CGNL1: variants seen among roughly 807,000 people sequenced by gnomAD.
The protein encoded by CGNL1 is cingulin-like protein 1.
A neutral mutation model predicts 141.2 loss-of-function variants in CGNL1; 132 were observed. The observed-to-expected ratio is 0.93, with a 90% CI of 0.81 to 1.08. The LOEUF is 1.08. Among genes scored for constraint, CGNL1 ranks in the 50% least tolerant of loss-of-function variants. The pLI is 0.00. For missense variants in CGNL1, 1,870 were observed against 1,588.6 expected (o/e 1.18, Z -3.01); for synonymous variants, 690 against 622.1 (o/e 1.11, Z -1.63).
At chr15:57,416,986 T>G (rs2062855614) in intron 1 of CGNL1, among the ~76,000 whole-genome samples, 1 of 152,138 alleles carries the variant, frequency 6.6e-6, no homozygotes, top group Admixed American at 6.5e-5. Context: ...CCTTGATGAC[T>G]TCTGATTCTG....
intron 8 of CGNL1, among the ~76,000 whole-genome samples, chr15:57,473,379 C>G (rs1157633129): frequency 6.6e-6 from 1 of 152,128 alleles, no homozygotes; most frequent in Non-Finnish European, 1.5e-5. Flanking sequence ...TGGAATATGT[C>G]ATAAACTCTA....
At chr15:57,518,793 C>T (rs766787203) in intron 10 of CGNL1, among the ~76,000 whole-genome samples, 33 of 152,148 alleles carry the variant, frequency 2.2e-4, no homozygotes, top group Non-Finnish European at 4.3e-4. Flanking sequence ...CACAGGACAG[C>T]CCCCACTGCA....
intron 1 of CGNL1, among the ~76,000 whole-genome samples, chr15:57,395,669 C>A (rs1325937317): frequency 6.6e-6 from 1 of 152,238 alleles, no homozygotes; most frequent in African/African-American, 2.4e-5. Flanking sequence ...TTGGGCTCTA[C>A]CTTGTGCTGG....
rs773254702 is a variant in CGNL1 at position 57,439,491 on chromosome 15, A to G, written c.1492A>G (p.Lys498Glu). 6.2e-7 allele frequency: 1 copy of G among 1,614,240 alleles called. No homozygotes were observed. The highest frequency in any genetic ancestry group is 8.5e-7 in the Non-Finnish European group (1 of 1,180,038). Reference protein sequence around the residue: ...GAQSKKEEEVKTATATLMLQN... With the variant: ...GAQSKKEEEVETATATLMLQN... ...ACAGAGTAAAAAGGAGGAGGAGGTG[A>G]AAACAGCCACCGCTACGCTGATGTT... Residue 498 changes from lysine to glutamate, a missense_variant, in exon 2 of 19, where the codon AAA becomes GAA. Physicochemically the swap from Lys to Glu is moderately conservative, Grantham distance 56 (BLOSUM62 1). Transcript: ENST00000281282.
chr15:57,477,567 G>A lies in CGNL1; in HGVS notation c.2403+15675G>A, dbSNP rs1289748100. ...TATGCCAAGTCCAAAGGAAAGGTAT[G>A]TTCTTTGGACCCCTCATGCTCTCTG... On this transcript the variant is annotated intron_variant, in intron 8 of 18. Transcript: ENST00000281282. 2.0e-5 allele frequency: 3 copies of A among 152,234 alleles called. No homozygotes were observed. The East Asian group carries it at 5.8e-4, about 29-fold the overall frequency. 9.4% of individuals were successfully genotyped at this position (152,234 alleles called of 1,614,324 possible).
At chr15:57,409,318 C>G (rs1355515514) in intron 1 of CGNL1, among the ~76,000 whole-genome samples, 1 of 152,168 alleles carries the variant, frequency 6.6e-6, no homozygotes, top group African/African-American at 2.4e-5. Context: ...CTGGAGATGT[C>G]TGGGGCCTGG....
intron 18 of CGNL1, 45 bp downstream of exon 18, chr15:57,546,284 A>C: frequency 6.6e-7 from 1 of 1,513,462 alleles, no homozygotes; most frequent in Non-Finnish European, 8.9e-7. Context: ...ATCTCCCCAC[A>C]GTTGAGACAG....
chr15:57,456,182 G>A (rs1286125658), intron 7 of CGNL1, among the ~76,000 whole-genome samples: 10 of 152,250 alleles, frequency 6.6e-5, no homozygotes, highest in African/African-American at 2.4e-4. Context: ...AAAGTGGCCT[G>A]GGGGAATTTG....
At chr15:57,426,389 C>T (rs1478382259) in intron 1 of CGNL1, among the ~76,000 whole-genome samples, 2 of 151,980 alleles carry the variant, frequency 1.3e-5, no homozygotes, top group Non-Finnish European at 2.9e-5. Context: ...AAGTGATCCA[C>T]CTGCCTAGGC....
intron 1 of CGNL1, among the ~76,000 whole-genome samples, chr15:57,421,816 A>G (rs1178360456): frequency 6.6e-6 from 1 of 151,768 alleles, no homozygotes; most frequent in East Asian, 2.0e-4. Flanking sequence ...TCCTGTGTGG[A>G]CAGGGACAGC....
chr15:57,434,992 G>A (rs1399334985), intron 1 of CGNL1, among the ~76,000 whole-genome samples: 2 of 152,094 alleles, frequency 1.3e-5, no homozygotes, highest in Non-Finnish European at 2.9e-5. Flanking sequence ...TATAGGGTAG[G>A]AGGAGGGAAG....
intron 1 of CGNL1, among the ~76,000 whole-genome samples, chr15:57,436,827 T>C (rs1281230295): frequency 1.3e-5 from 2 of 152,114 alleles, no homozygotes; most frequent in African/African-American, 4.8e-5. Flanking sequence ...ACCAGTGTAA[T>C]CAAGAAATAG....
intron 1 of CGNL1, among the ~76,000 whole-genome samples, chr15:57,435,411 T>G (rs2063094568): frequency 1.1e-5 from 1 of 93,536 alleles, no homozygotes; most frequent in Non-Finnish European, 2.5e-5. Context: ...TTGCAGGTTT[T>G]TTTGTTTTTT....
chr15:57,546,309 G>T, intron 18 of CGNL1, 70 bp downstream of exon 18: 1 of 1,461,746 alleles, frequency 6.8e-7, no homozygotes. Flanking sequence ...TGCTTTCAGA[G>T]CATTCACACT....
chr15:57,512,838 C>T (rs1249857901), intron 8 of CGNL1, among the ~76,000 whole-genome samples: 2 of 152,132 alleles, frequency 1.3e-5, no homozygotes, highest in Admixed American at 6.5e-5. Flanking sequence ...TCTTGAGCCT[C>T]TTCTTCCCCT....
intron 18 of CGNL1, 25 bp downstream of exon 18, chr15:57,546,264 G>A: frequency 3.9e-6 from 6 of 1,546,870 alleles, no homozygotes; most frequent in Non-Finnish European, 4.4e-6. Context: ...AGGCCACAGA[G>A]GGCCGGGTAA....
intron 8 of CGNL1, among the ~76,000 whole-genome samples, chr15:57,502,091 C>T (rs1302815120): frequency 2.0e-5 from 3 of 152,112 alleles, no homozygotes; most frequent in Non-Finnish European, 2.9e-5. Flanking sequence ...TTGATTTTGG[C>T]CCCCATGCTT....
At chr15:57,389,874 G>A (rs1373186326) in intron 1 of CGNL1, among the ~76,000 whole-genome samples, 1 of 111,070 alleles carries the variant, frequency 9.0e-6, no homozygotes, top group Non-Finnish European at 1.8e-5. Context: ...GAGTACAGTG[G>A]TGCCACCTTG....
intron 8 of CGNL1, among the ~76,000 whole-genome samples, chr15:57,462,811 CTGTT>C (rs1202196633): frequency 1.3e-5 from 2 of 152,054 alleles, no homozygotes; most frequent in East Asian, 1.9e-4. Context: ...GGGAAATAGA[CTGTT>C]TGGGGTTATT....
Sources: allele counts gnomAD v4.1 joint callset (sites outside exome capture counted in the v4.1 genomes callset), GRCh38; gene constraint gnomAD v4.1.1; transcripts MANE v1.5; gene names NCBI Gene and HGNC (gene_info 2026-07-23, HGNC 2026-07-21).